The following KIF16B variants were observed in gnomAD, a reference collection of about 807,000 sequenced individuals.
KIF16B encodes kinesin-like protein KIF16B.
KIF16B carries 98 observed loss-of-function variants against 156.3 expected under a neutral mutation model. The observed-to-expected ratio is 0.63, with a 90% CI of 0.53 to 0.74. KIF16B has a LOEUF of 0.74. Among genes scored for constraint, KIF16B ranks in the 30% least tolerant of loss-of-function variants. The pLI, the probability that KIF16B is intolerant of heterozygous loss-of-function variation, is 0.00. For missense variants in KIF16B, 1,421 were observed against 1,606.5 expected (o/e 0.88, Z 1.97); for synonymous variants, 564 against 583.7 (o/e 0.97, Z 0.49).
intron 17 of KIF16B, among the ~76,000 whole-genome samples, chr20:16,383,182 G>T (rs745490836): frequency 2.0e-5 from 3 of 152,076 alleles, no homozygotes; most frequent in Non-Finnish European, 4.4e-5. Flanking sequence ...CATGGCAGGT[G>T]CTGTGTGGCA....
chr20:16,526,356 T>G (rs2069545632), intron 2 of KIF16B, 151 bp from the exon 3 acceptor site: 1 of 424,076 alleles, frequency 2.4e-6, no homozygotes, highest in South Asian at 7.9e-5. Flanking sequence ...TAAACTAAAC[T>G]CCTTGCAGCA....
At chr20:16,429,088 C>T (rs895126326) in intron 13 of KIF16B, 84 bp from the exon 14 acceptor site, 8 of 1,128,942 alleles carry the variant, frequency 7.1e-6, no homozygotes, top group Admixed American at 1.7e-5. Flanking sequence ...GCCCAAACAA[C>T]ATAGTGGCCA....
At chr20:16,417,461 A>C (rs368577299) in intron 15 of KIF16B, among the ~76,000 whole-genome samples, 1 of 152,154 alleles carries the variant, frequency 6.6e-6, no homozygotes, top group Non-Finnish European at 1.5e-5. Context: ...AAAGGGTATA[A>C]ACATTTCCCA....
chr20:16,357,948 G>C (rs578199949), intron 22 of KIF16B, among the ~76,000 whole-genome samples: 150 of 152,316 alleles, frequency 9.8e-4, no homozygotes, highest in African/African-American at 3.0e-3. Context: ...CCAGCACCCT[G>C]GGAGGCCAAG....
At chr20:16,456,576 A>G (rs2146643837) in intron 12 of KIF16B, among the ~76,000 whole-genome samples, 1 of 152,314 alleles carries the variant, frequency 6.6e-6, no homozygotes, top group African/African-American at 2.4e-5. Flanking sequence ...ATAGGCACTA[A>G]AAGAGATCGC....
At chr20:16,453,098 T>C (rs1600436727) in intron 12 of KIF16B, among the ~76,000 whole-genome samples, 1 of 138,040 alleles carries the variant, frequency 7.2e-6, no homozygotes. Flanking sequence ...TGAGACCCTA[T>C]CTTTACCAAA....
chr20:16,520,345 A>T (rs1279090882), intron 3 of KIF16B, among the ~76,000 whole-genome samples: 1 of 151,974 alleles, frequency 6.6e-6, no homozygotes, highest in East Asian at 1.9e-4. Context: ...TAGTGGGGGG[A>T]GGGGCATCCA....
At chr20:16,465,423 A>C (rs1395662697) in intron 12 of KIF16B, among the ~76,000 whole-genome samples, 1 of 152,228 alleles carries the variant, frequency 6.6e-6, no homozygotes, top group Non-Finnish European at 1.5e-5. Context: ...CCGACAATGA[A>C]GCATCTCACA....
intron 20 of KIF16B, among the ~76,000 whole-genome samples, chr20:16,373,566 C>A (rs1227697141): frequency 6.6e-6 from 1 of 152,226 alleles, no homozygotes; most frequent in Non-Finnish European, 1.5e-5. Flanking sequence ...CACAATCATT[C>A]TGAATATACT....
chr20:16,491,662 G>C (rs888524490), intron 12 of KIF16B, among the ~76,000 whole-genome samples: 3 of 152,172 alleles, frequency 2.0e-5, no homozygotes, highest in Admixed American at 6.5e-5. Flanking sequence ...GAGTCAGAAA[G>C]AGAACTGAAG....
chr20:16,344,688 T>A (rs750439848), intron 23 of KIF16B, among the ~76,000 whole-genome samples: 82 of 152,268 alleles, frequency 5.4e-4, no homozygotes, highest in Middle Eastern at 3.4e-3. Flanking sequence ...GAGGGTAGAA[T>A]GAATTTACAC....
intron 15 of KIF16B, among the ~76,000 whole-genome samples, chr20:16,413,926 G>A (rs1036306911): frequency 2.6e-5 from 4 of 151,990 alleles, no homozygotes; most frequent in Admixed American, 1.3e-4. Flanking sequence ...TTCATTGCCT[G>A]ATTGAAGCAA....
intron 23 of KIF16B, among the ~76,000 whole-genome samples, chr20:16,353,670 T>C (rs552273605): frequency 2.6e-5 from 4 of 152,098 alleles, no homozygotes; most frequent in South Asian, 2.1e-4. Context: ...GATATGAGGA[T>C]TGTGGGGGCA....
chr20:16,428,929 C>G (rs1321489602), intron 14 of KIF16B, 24 bp downstream of exon 14: 1 of 1,601,518 alleles, frequency 6.2e-7, no homozygotes, highest in East Asian at 2.2e-5. Context: ...TCATTGGGAA[C>G]AGATCACTGA....
At chr20:16,419,614 A>T (rs1568960453) in intron 15 of KIF16B, among the ~76,000 whole-genome samples, 1 of 152,286 alleles carries the variant, frequency 6.6e-6, no homozygotes, top group Non-Finnish European at 1.5e-5. Context: ...ATTCTGTAGC[A>T]CTTCTAAAAG....
chr20:16,518,966 C>T (rs1340261030), intron 3 of KIF16B, among the ~76,000 whole-genome samples: 1 of 152,168 alleles, frequency 6.6e-6, no homozygotes, highest in Non-Finnish European at 1.5e-5. Context: ...TTAAGACCTT[C>T]CAGTGGCATC....
At chr20:16,366,612 G>A (rs551221250) in intron 22 of KIF16B, among the ~76,000 whole-genome samples, 18 of 152,300 alleles carry the variant, frequency 1.2e-4, no homozygotes, top group South Asian at 4.1e-4. Flanking sequence ...TCTCGATTCC[G>A]CATACCATGG....
chr20:16,572,449 A>T (rs1047199233), intron 1 of KIF16B, among the ~76,000 whole-genome samples: 3 of 122,870 alleles, frequency 2.4e-5, no homozygotes, highest in Non-Finnish European at 5.0e-5. Flanking sequence ...GACACATCCC[A>T]TTTCTACCTC....
At chr20:16,288,326 T>C (rs907610133) in intron 25 of KIF16B, among the ~76,000 whole-genome samples, 1 of 152,250 alleles carries the variant, frequency 6.6e-6, no homozygotes, top group African/African-American at 2.4e-5. Context: ...AAAGGAGCTA[T>C]TGTCTACAAA....
Sources: gnomAD v4.1 joint callset for allele counts (sites outside exome capture counted in the v4.1 genomes callset) on GRCh38, gnomAD v4.1.1 for gene constraint, MANE v1.5 for transcripts, NCBI Gene and HGNC (gene_info 2026-07-23, HGNC 2026-07-21) for gene names.